Variants in FHIT observed in about 807,000 individuals in gnomAD.
FHIT encodes bis(5'-adenosyl)-triphosphatase.
In FHIT, 19 loss-of-function variants were observed where a neutral mutation model predicts 17.9. The observed-to-expected ratio is 1.06, with a 90% confidence interval of 0.74 to 1.56. FHIT has a LOEUF of 1.56. FHIT is among the 40% of genes most tolerant of loss of function. FHIT has a pLI of 0.00. For synonymous variants in FHIT, 81 were observed against 69.7 expected, an observed-to-expected ratio of 1.16 and a Z score of -0.81; for missense variants, 248 against 189.2, an observed-to-expected ratio of 1.31 and a Z score of -1.82.
At chr3:60,962,734 AT>A (rs1266229701) in intron 3 of FHIT, among the ~76,000 whole-genome samples, 2 of 152,216 alleles carry the variant, frequency 1.3e-5, no homozygotes, top group Non-Finnish European at 2.9e-5. Context: ...GATTATGTTT[AT>A]TGATTTGCGT....
In FHIT at chr3:61,067,377, G is replaced by A. The variant is rs537819227; in HGVS notation, c.-163-25278C>T. 2.6e-5 allele frequency among the ~76,000 whole-genome samples: 4 copies of A among 152,240 alleles called. No homozygotes were observed. The South Asian group carries it at 8.3e-4, about 32-fold the overall frequency. The stretch of plus-strand genomic sequence containing the variant: ...AAAAAGGTATATAGGAAAGAATCCA[G>A]GAGAAAACAGGCACAAGTTTACAGT... On this transcript the variant is annotated intron_variant, in intron 2 of 9. Coordinates refer to ENST00000492590, the MANE Select transcript of FHIT (RefSeq NM_002012.4).
chr3:61,019,747 C>T (rs2032309328), intron 3 of FHIT, among the ~76,000 whole-genome samples: 1 of 152,214 alleles, frequency 6.6e-6, no homozygotes, highest in Non-Finnish European at 1.5e-5. Context: ...CACATTCCTA[C>T]TCAGAGCTCT....
chr3:60,490,381 T>C (rs567699143), intron 5 of FHIT, among the ~76,000 whole-genome samples: 4 of 152,306 alleles, frequency 2.6e-5, no homozygotes, highest in South Asian at 2.1e-4. Context: ...AGAGACACTA[T>C]AGCTACTGAA....
chr3:60,458,459 G>T (rs1453125926), intron 5 of FHIT, among the ~76,000 whole-genome samples: 1 of 134,646 alleles, frequency 7.4e-6, no homozygotes, highest in Non-Finnish European at 1.6e-5. Flanking sequence ...GAGGGGGGAG[G>T]GATAGCATTA....
At chr3:59,750,960 T>A (rs573042698) in intron 9 of FHIT, 1 of 186,896 alleles carries the variant, frequency 5.4e-6, no homozygotes, top group East Asian at 8.7e-5. Flanking sequence ...CTGCAACTTA[T>A]AACATGAACA....
intron 5 of FHIT, among the ~76,000 whole-genome samples, chr3:60,416,328 T>G (rs1702247270): frequency 6.6e-6 from 1 of 152,176 alleles, no homozygotes; most frequent in South Asian, 2.1e-4. Context: ...GTTAAAAAAA[T>G]TGTTTTAAAT....
At chr3:60,204,029 A>G (rs573577874) in intron 5 of FHIT, among the ~76,000 whole-genome samples, 48 of 152,338 alleles carry the variant, frequency 3.2e-4, no homozygotes, top group African/African-American at 1.2e-3. Context: ...ATAGCACAAC[A>G]AGGTGATTAT....
intron 5 of FHIT, among the ~76,000 whole-genome samples, chr3:60,247,681 A>G (rs1421203645): frequency 6.6e-6 from 1 of 152,118 alleles, no homozygotes; most frequent in African/African-American, 2.4e-5. Flanking sequence ...ATGGCATTTC[A>G]TAGTAACGTA....
chr3:60,357,355 A>G (rs574519644), intron 5 of FHIT, among the ~76,000 whole-genome samples: 1 of 152,008 alleles, frequency 6.6e-6, no homozygotes, highest in Non-Finnish European at 1.5e-5. Context: ...CTGGGATTAC[A>G]GGCACCCATT....
chr3:60,069,336 A>T (rs1389464828), intron 5 of FHIT, among the ~76,000 whole-genome samples: 1 of 152,234 alleles, frequency 6.6e-6, no homozygotes, highest in Non-Finnish European at 1.5e-5. Context: ...AATGACAGTA[A>T]ATTACAGGTT....
chr3:61,206,843 T>G (rs2039252758), intron 1 of FHIT, among the ~76,000 whole-genome samples: 1 of 152,174 alleles, frequency 6.6e-6, no homozygotes, highest in African/African-American at 2.4e-5. Context: ...TGGACAGAAC[T>G]TCCAACACTA....
At chr3:60,140,851 T>G (rs547183700) in intron 5 of FHIT, among the ~76,000 whole-genome samples, 4 of 152,252 alleles carry the variant, frequency 2.6e-5, no homozygotes, top group Non-Finnish European at 4.4e-5. Context: ...GTGCTGGGAT[T>G]ACAGGCGTGA....
At chr3:60,645,924 CAAAT>C (rs1398349555) in intron 4 of FHIT, among the ~76,000 whole-genome samples, 4 of 152,128 alleles carry the variant, frequency 2.6e-5, no homozygotes, top group African/African-American at 9.7e-5. Context: ...TTCCCAGATT[CAAAT>C]AAATAAAACC....
At chr3:60,499,143 C>A (rs1191394689) in intron 5 of FHIT, among the ~76,000 whole-genome samples, 1 of 152,190 alleles carries the variant, frequency 6.6e-6, no homozygotes, top group South Asian at 2.1e-4. Flanking sequence ...TACAGAGCCT[C>A]TACAAGACCT....
At chr3:60,671,602 G>T (rs2040505834) in intron 4 of FHIT, among the ~76,000 whole-genome samples, 2 of 151,994 alleles carry the variant, frequency 1.3e-5, no homozygotes, top group South Asian at 2.1e-4. Context: ...TCCCGCTCTT[G>T]ATTCCTATAT....
At chr3:60,642,939 G>C (rs782139463) in intron 4 of FHIT, among the ~76,000 whole-genome samples, 2 of 152,140 alleles carry the variant, frequency 1.3e-5, no homozygotes, top group South Asian at 2.1e-4. Flanking sequence ...AAGCCCCTAA[G>C]ACATACTGTC....
At chr3:60,652,954 A>AAAACAAAACC (rs151052424) in intron 4 of FHIT, among the ~76,000 whole-genome samples, 23,042 of 129,002 alleles carry the variant, frequency 0.18, 2,235 homozygotes, top group East Asian at 0.48. Context: ...AAAACAAAAC[A>AAAACAAAACC]AAACCTTACT....
At chr3:60,676,200 T>A (rs2040617591) in intron 4 of FHIT, among the ~76,000 whole-genome samples, 2 of 152,218 alleles carry the variant, frequency 1.3e-5, no homozygotes, top group African/African-American at 4.8e-5. Flanking sequence ...TTCCTGTATC[T>A]GCATGGCCAA....
chr3:60,097,353 C>T (rs901986450), intron 5 of FHIT, among the ~76,000 whole-genome samples: 9 of 152,032 alleles, frequency 5.9e-5, no homozygotes, highest in Non-Finnish European at 4.4e-5. Context: ...TCCCTAGGAG[C>T]CCAGGGTAGT....
Sources: allele counts gnomAD v4.1 joint callset (sites outside exome capture counted in the v4.1 genomes callset), GRCh38; gene constraint gnomAD v4.1.1; transcripts MANE v1.5; gene names NCBI Gene and HGNC (gene_info 2026-07-23, HGNC 2026-07-21).